MSR1: variants seen among roughly 807,000 people sequenced by gnomAD.
MSR1 encodes macrophage scavenger receptor types I and II.
MSR1 carries 53 observed loss-of-function variants against 47.2 expected under a neutral mutation model. The ratio of observed to expected loss-of-function variants is 1.12; its 90% CI spans 0.90 to 1.41. The LOEUF (loss-of-function observed/expected upper bound fraction) is 1.41, where lower values mean the gene tolerates loss of function less well. MSR1 is among the 40% of genes most tolerant of loss of function. The pLI is 0.00. For synonymous variants in MSR1, 239 were observed against 185.6 expected (o/e 1.29, Z -2.34); for missense variants, 786 against 546.9 (o/e 1.44, Z -4.36).
chr8:16,174,232 G>T (rs910288499), intron 3 of MSR1, among the ~76,000 whole-genome samples: 1 of 147,768 alleles, frequency 6.8e-6, no homozygotes, highest in East Asian at 2.0e-4. Flanking sequence ...GAGGAACTTT[G>T]GCCTGGTCTT....
chr8:16,180,943 C>A (rs1801812146), intron 1 of MSR1, among the ~76,000 whole-genome samples: 1 of 152,044 alleles, frequency 6.6e-6, no homozygotes, highest in African/African-American at 2.4e-5. Context: ...GAACCCAAAT[C>A]TTCTCCTTTC....
At position 16,118,025 on chromosome 8, in the gene MSR1, C is replaced by G. The variant is rs75655092; in HGVS notation, c.1222+2393G>C. ...TGCCAAAAAGGTTGGGAACCACTGT[C>G]TTAAAGAAACAATGCTAAATACAGA... On this transcript the variant is annotated intron_variant, in intron 9 of 9. Transcript: ENST00000262101. Among the ~76,000 whole-genome samples, 12 of 152,268 alleles carry G rather than the reference C, an allele frequency of 7.9e-5. No homozygotes were observed. The East Asian group carries it at 2.1e-3, about 27-fold the overall frequency.
At chr8:16,189,155 C>A (rs980244626) in intron 1 of MSR1, among the ~76,000 whole-genome samples, 2 of 138,964 alleles carry the variant, frequency 1.4e-5, no homozygotes, top group Non-Finnish European at 3.0e-5. Flanking sequence ...TTCATATATA[C>A]GTAAAACCTT....
intron 1 of MSR1, among the ~76,000 whole-genome samples, chr8:16,188,802 G>T (rs573520209): frequency 2.0e-5 from 3 of 151,740 alleles, no homozygotes; most frequent in Non-Finnish European, 4.4e-5. Context: ...GAGAATGATG[G>T]TTTCCAGCTT....
chr8:16,166,055 A>C (rs535138804), intron 4 of MSR1, among the ~76,000 whole-genome samples: 1 of 152,168 alleles, frequency 6.6e-6, no homozygotes, highest in East Asian at 1.9e-4. Context: ...GGGTAGTTCC[A>C]GACATTCAGC....
chr8:16,190,723 C>CTTTTTTTTTTTTTTTTTTTTTT (rs772816603), intron 1 of MSR1, among the ~76,000 whole-genome samples: 2 of 145,350 alleles, frequency 1.4e-5, no homozygotes, highest in Admixed American at 7.0e-5. Context: ...TTTTTTCTTT[C>CTTTTTTTTTTTTTTTTTTTTTT]TTTCTTTTTG....
intron 7 of MSR1, 91 bp downstream of exon 7, chr8:16,150,140 G>GTGTATATATATATATATA (rs1402495981): frequency 1.2e-4 from 20 of 172,614 alleles, no homozygotes; most frequent in African/African-American, 5.9e-4. Context: ...GTGTGTGTGT[G>GTGTATATATATATATATA]TATATATATA....
At chr8:16,179,404 A>C (rs1415840081) in intron 1 of MSR1, among the ~76,000 whole-genome samples, 1 of 152,240 alleles carries the variant, frequency 6.6e-6, no homozygotes, top group East Asian at 1.9e-4. Context: ...ATATCAACAT[A>C]GGATTCAGAA....
chr8:16,155,508 A>G (rs35381018), intron 5 of MSR1, among the ~76,000 whole-genome samples: 6,082 of 152,138 alleles, frequency 0.04, 425 homozygotes, highest in African/African-American at 0.14. Flanking sequence ...GATATAATAC[A>G]GAATTAGCTA....
intron 3 of MSR1, among the ~76,000 whole-genome samples, chr8:16,171,619 T>C (rs1241234599): frequency 6.6e-6 from 1 of 152,174 alleles, no homozygotes; most frequent in Non-Finnish European, 1.5e-5. Context: ...GTGGAAAGTA[T>C]TGCTTGAGTT....
Position 16,175,191 on chromosome 8 carries a change from C to T in MSR1, c.213G>A (p.Val71=). ...FAVLIPLIGI[V]AAQLLKWETK... ...CAAAACTCTGGGTTACGTTACCTGC[C>T]ACTATTCCAATGAGAGGGATGAGAA... Residue 71 remains valine, a synonymous_variant, in exon 3 of 10, where the codon GTG becomes GTA. Transcript: ENST00000262101. The T allele has an allele frequency of 3.1e-6, 5 of 1,613,450 alleles. No homozygotes were observed. Among genetic ancestry groups the T allele is most frequent in the Non-Finnish European group, 4.2e-6 (5 of 1,179,464 alleles).
intron 9 of MSR1, among the ~76,000 whole-genome samples, chr8:16,111,044 G>A (rs1423968433): frequency 3.9e-5 from 6 of 152,088 alleles, no homozygotes; most frequent in Admixed American, 6.6e-5. Flanking sequence ...ACACTTTTTA[G>A]TTCCCAAATT....
At chr8:16,173,129 C>CA (rs1801536357) in intron 3 of MSR1, among the ~76,000 whole-genome samples, 2 of 152,126 alleles carry the variant, frequency 1.3e-5, no homozygotes, top group Admixed American at 1.3e-4. Context: ...AGTGTCTAGT[C>CA]AATTTTAGTC....
intron 7 of MSR1, among the ~76,000 whole-genome samples, chr8:16,145,437 G>C (rs1800671371): frequency 6.6e-6 from 1 of 151,990 alleles, no homozygotes; most frequent in African/African-American, 2.4e-5. Flanking sequence ...TAATAAGCAA[G>C]CTTAATTTCA....
chr8:16,150,385 C>A lies in MSR1; in HGVS notation c.899-74G>T, dbSNP rs1800823336. 14 of 748,362 alleles carry A rather than the reference C, an allele frequency of 1.9e-5. No individual in the cohort carries two copies. In the South Asian group the frequency reaches 3.0e-4, roughly 16 times the overall value. 46.4% of individuals were successfully genotyped at this position (748,362 alleles called of 1,614,324 possible). ...AGACTTGAGAGTATAATGAAAACAT[C>A]TAGTTTTATAAGTGAATATGAAATT... On this transcript the variant is annotated intron_variant, in intron 6 of 9. Transcript: ENST00000262101.
chr8:16,177,069 C>T (rs1801670419), intron 2 of MSR1, among the ~76,000 whole-genome samples: 1 of 152,130 alleles, frequency 6.6e-6, no homozygotes, highest in Admixed American at 6.5e-5. Flanking sequence ...TTAAATGATC[C>T]TGTTGAGATA....
intron 6 of MSR1, 125 bp from the exon 7 acceptor site, chr8:16,150,436 T>C (rs547220203): frequency 2.6e-6 from 1 of 388,344 alleles, no homozygotes; most frequent in East Asian, 5.0e-5. Flanking sequence ...GAAGGAATAA[T>C]ATCTTTCCTA....
At chr8:16,127,905 C>T (rs531721669) in intron 8 of MSR1, among the ~76,000 whole-genome samples, 1 of 152,068 alleles carries the variant, frequency 6.6e-6, no homozygotes, top group Non-Finnish European at 1.5e-5. Context: ...AGTGATTGCC[C>T]AGGTCATCCT....
chr8:16,143,885 G>T (rs540179157), intron 7 of MSR1, among the ~76,000 whole-genome samples: 29 of 152,140 alleles, frequency 1.9e-4, no homozygotes, highest in Non-Finnish European at 3.8e-4. Flanking sequence ...AGTTTGTTTT[G>T]TACTTATTTA....
Sources: gnomAD v4.1 joint callset for allele counts (sites outside exome capture counted in the v4.1 genomes callset) on GRCh38, gnomAD v4.1.1 for gene constraint, MANE v1.5 for transcripts, NCBI Gene and HGNC (gene_info 2026-07-23, HGNC 2026-07-21) for gene names.